Variants in C4BPB observed in about 807,000 individuals in gnomAD.
C4BPB encodes C4b-binding protein beta chain.
C4BPB carries 19 observed loss-of-function variants against 26.6 expected under a neutral mutation model. The observed-to-expected ratio is 0.71, with a 90% CI of 0.50 to 1.05. The LOEUF is 1.05. Ranked by LOEUF, C4BPB falls within the 50% of genes least tolerant of loss-of-function variation. The probability of loss-of-function intolerance (pLI) is 0.00; values close to 1 mark genes in which losing one functional copy is unlikely to be tolerated. For missense variants in C4BPB, 282 were observed against 302.9 expected, an observed-to-expected ratio of 0.93 and a Z score of 0.51; for synonymous variants, 118 against 103.5, an observed-to-expected ratio of 1.14 and a Z score of -0.85.
At chr1:207,092,752 C>T (rs527369195) in intron 4 of C4BPB, among the ~76,000 whole-genome samples, 435 of 151,678 alleles carry the variant, frequency 2.9e-3, no homozygotes, top group Admixed American at 6.0e-3. Flanking sequence ...CTCAGCCTCC[C>T]GAGTAGCTGG....
At chr1:207,094,926 A>C (rs1572757863) in intron 4 of C4BPB, 1 of 190,602 alleles carries the variant, frequency 5.2e-6, no homozygotes, top group East Asian at 1.7e-4. Flanking sequence ...GTATTTTGGC[A>C]TATAACTTTC....
At chr1:207,092,819 G>T (rs955585043) in intron 4 of C4BPB, among the ~76,000 whole-genome samples, 7 of 151,812 alleles carry the variant, frequency 4.6e-5, no homozygotes, top group South Asian at 2.1e-4. Context: ...TAGAGACGGG[G>T]TTTCACCATC....
At chr1:207,091,197 A>G (rs544596959) in intron 3 of C4BPB, among the ~76,000 whole-genome samples, 1 of 152,320 alleles carries the variant, frequency 6.6e-6, no homozygotes, top group South Asian at 2.1e-4. Flanking sequence ...AACCAAACTC[A>G]TATATCCCTG....
intron 4 of C4BPB, among the ~76,000 whole-genome samples, chr1:207,094,265 C>T (rs773231097): frequency 2.6e-5 from 4 of 151,142 alleles, no homozygotes; most frequent in Non-Finnish European, 5.9e-5. Flanking sequence ...AGCTTGAGTC[C>T]AGAAATTTGA....
Position 207,099,917 on chromosome 1 carries a change from A to T in C4BPB, c.747A>T (p.Ala249=). 1 of 1,612,984 alleles carries T rather than the reference A, an allele frequency of 6.2e-7. No homozygotes were observed. The highest frequency in any genetic ancestry group is 8.5e-7 in the Non-Finnish European group (1 of 1,179,562). The change falls in exon 7 of 7, where the codon GCA becomes GCT. Residue 249 remains alanine (A), a synonymous_variant. Coordinates refer to ENST00000367078, the MANE Select transcript of C4BPB (RefSeq NM_001017365.3). ...AGCTGAAGAAAGCTGAGTTGAAGGCAAAATTGTTGTAACACTACAGCTGAG... is the reference window on the plus strand; with the variant it reads ...AGCTGAAGAAAGCTGAGTTGAAGGCTAAATTGTTGTAACACTACAGCTGAG... ...SLELKKAELK[A]KLL
intron 1 of C4BPB, 102 bp from the exon 2 acceptor site, chr1:207,089,380 A>T: frequency 1.7e-6 from 1 of 604,170 alleles, no homozygotes; most frequent in Admixed American, 3.2e-5. Flanking sequence ...TTTTCTTTTC[A>T]TTTTCTCCAG....
rs771428087 is a variant in C4BPB, at chr1:207,089,511, G to A, written c.-21G>A. On this transcript the variant is annotated 5_prime_UTR_variant, in exon 2 of 7. Coordinates refer to ENST00000367078, the MANE Select transcript of C4BPB (RefSeq NM_001017365.3). ...CTGAGCTGGGTGAATTCCAGCCTGG[G>A]GAGAGGACTTTGATCACCAGATGTT... 7.4e-6 allele frequency: 12 copies of A among 1,613,176 alleles called. No individual in the cohort carries two copies. Among genetic ancestry groups the A allele is most frequent in the East Asian group, 2.2e-5 (1 of 44,882 alleles).
At chr1:207,093,869 A>C (rs1006886512) in intron 4 of C4BPB, among the ~76,000 whole-genome samples, 1 of 152,218 alleles carries the variant, frequency 6.6e-6, no homozygotes, top group Non-Finnish European at 1.5e-5. Context: ...TTTAATAAAC[A>C]AAGATCCCCT....
At chr1:207,098,091 G>T (rs986350456) in intron 5 of C4BPB, 59 bp from the exon 6 acceptor site, 5 of 1,316,332 alleles carry the variant, frequency 3.8e-6, no homozygotes, top group South Asian at 3.6e-5. Flanking sequence ...CACAAAACCA[G>T]TCTCCATTAC....
chr1:207,092,629 CTT>C (rs755904248), intron 4 of C4BPB, among the ~76,000 whole-genome samples: 18 of 134,544 alleles, frequency 1.3e-4, no homozygotes, highest in Admixed American at 3.0e-4. Context: ...TTCTTTCTTT[CTT>C]TTTTTTTTTT....
chr1:207,096,626 A>G lies in C4BPB; in HGVS notation c.503+11A>G. Reference sequence around the variant, plus strand: ...TTACTGTGAAGACAGGTAAGTGAACACAGCCTGTCAAATGCCAGATCTTGC... The same window carrying G: ...TTACTGTGAAGACAGGTAAGTGAACGCAGCCTGTCAAATGCCAGATCTTGC... On this transcript the variant is annotated intron_variant, in intron 5 of 6. Transcript: ENST00000367078. 6.8e-7 allele frequency: 1 copy of G among 1,462,620 alleles called. No individual in the cohort carries two copies. Among genetic ancestry groups the G allele is most frequent in the Non-Finnish European group, 9.5e-7 (1 of 1,054,082 alleles). 90.6% of individuals were successfully genotyped at this position (1,462,620 alleles called of 1,614,324 possible).
Position 207,097,369 on chromosome 1 carries a change from C to G in C4BPB, c.503+754C>G, listed in dbSNP as rs563913751. Among the ~76,000 whole-genome samples the G allele has an allele frequency of 2.0e-5, 3 of 151,256 alleles. No homozygotes were observed. In the East Asian group the frequency reaches 5.9e-4, roughly 30 times the overall value. On this transcript the variant is annotated intron_variant, in intron 5 of 6. Coordinates refer to ENST00000367078, the MANE Select transcript of C4BPB (RefSeq NM_001017365.3). The stretch of plus-strand genomic sequence containing the variant: ...CTGGGACTACAGGCATGGGTCACCA[C>G]GCTTGGCTAATTTTTTAAGGTTTTG...
chr1:207,088,992 A>C (rs1683916882), intron 1 of C4BPB, 46 bp downstream of exon 1: 1 of 154,652 alleles, frequency 6.5e-6, no homozygotes, highest in Non-Finnish European at 1.4e-5. Flanking sequence ...AGTGCTGCTT[A>C]CAGCCTTAGG....
chr1:207,096,425 G>T, intron 4 of C4BPB, 97 bp from the exon 5 acceptor site: 1 of 763,430 alleles, frequency 1.3e-6, no homozygotes. Flanking sequence ...TTGCTCTGAG[G>T]CTGTCAGGTG....
chr1:207,099,406 C>G lies in C4BPB; in HGVS notation c.619-383C>G, dbSNP rs867910795. ...CACTTTCTGCTGTGTGGCCCAGTTC[C>G]TAATAGTCCGTGGACCGGTACCGGT... On this transcript the variant is annotated intron_variant, in intron 6 of 6. Coordinates refer to ENST00000367078, the MANE Select transcript of C4BPB (RefSeq NM_001017365.3). Among the ~76,000 whole-genome samples, 6 of 152,316 alleles carry G rather than the reference C, an allele frequency of 3.9e-5. No individual in the cohort carries two copies. In the South Asian group the frequency reaches 6.2e-4, roughly 16 times the overall value.
At chr1:207,093,131 G>T (rs17020498) in intron 4 of C4BPB, among the ~76,000 whole-genome samples, 6,874 of 151,888 alleles carry the variant, frequency 0.045, 486 homozygotes, top group African/African-American at 0.15. Flanking sequence ...AAAATAATTC[G>T]ATTCACAAGA....
chr1:207,095,253 C>T (rs776896634), intron 4 of C4BPB: 5 of 456,120 alleles, frequency 1.1e-5, no homozygotes, highest in Non-Finnish European at 2.2e-5. Context: ...TATCAAGACT[C>T]ACAACTCCTA....
At chr1:207,089,935 G>C (rs1172450724) in intron 2 of C4BPB, among the ~76,000 whole-genome samples, 2 of 152,154 alleles carry the variant, frequency 1.3e-5, no homozygotes. Context: ...ACAACTTGTG[G>C]TTGAATTTGA....
intron 4 of C4BPB, 70 bp from the exon 5 acceptor site, chr1:207,096,452 C>T (rs1208113626): frequency 4.4e-6 from 4 of 906,580 alleles, no homozygotes; most frequent in Non-Finnish European, 7.4e-6. Context: ...TAAACAGCTG[C>T]AATTAGGGGT....
Sources: allele counts gnomAD v4.1 joint callset (sites outside exome capture counted in the v4.1 genomes callset), GRCh38; gene constraint gnomAD v4.1.1; transcripts MANE v1.5; gene names NCBI Gene and HGNC (gene_info 2026-07-23, HGNC 2026-07-21).